Variants in CILK1 observed in about 807,000 individuals in gnomAD.
The protein encoded by CILK1 is serine/threonine-protein kinase ICK.
A neutral mutation model predicts 79.2 loss-of-function variants in CILK1; 47 were observed. That is an observed-to-expected ratio of 0.59 (90% confidence interval 0.47 to 0.76). The LOEUF is 0.76. Ranked by LOEUF, CILK1 falls within the 30% of genes least tolerant of loss-of-function variation. The pLI is 0.00. For missense variants in CILK1, 660 were observed against 769.5 expected, an observed-to-expected ratio of 0.86 and a Z score of 1.68; for synonymous variants, 266 against 275.9, an observed-to-expected ratio of 0.96 and a Z score of 0.36.
chr6:53,047,917 G>A (rs960480707), intron 1 of CILK1, among the ~76,000 whole-genome samples: 1 of 151,210 alleles, frequency 6.6e-6, no homozygotes, highest in South Asian at 2.1e-4. Flanking sequence ...TGAATTTGAG[G>A]TATGTACAAA....
At chr6:53,039,129 T>C (rs1454781243) in intron 2 of CILK1, among the ~76,000 whole-genome samples, 1 of 152,224 alleles carries the variant, frequency 6.6e-6, no homozygotes, top group Non-Finnish European at 1.5e-5. Flanking sequence ...CGAAATATTA[T>C]TTAGCCCCTG....
intron 1 of CILK1, among the ~76,000 whole-genome samples, chr6:53,050,670 A>G (rs1259874741): frequency 1.3e-5 from 2 of 151,616 alleles, no homozygotes; most frequent in Admixed American, 1.3e-4. Flanking sequence ...TACAAAATAC[A>G]AAAATTAGCT....
chr6:53,018,042 G>C (rs1236958236), intron 7 of CILK1, among the ~76,000 whole-genome samples: 2 of 152,168 alleles, frequency 1.3e-5, no homozygotes, highest in East Asian at 3.9e-4. Flanking sequence ...GGAGACTTCT[G>C]AACAGGCGTA....
chr6:53,011,123 T>C (rs1764543596), intron 11 of CILK1, among the ~76,000 whole-genome samples: 1 of 152,192 alleles, frequency 6.6e-6, no homozygotes, highest in African/African-American at 2.4e-5. Flanking sequence ...CCCATAGTAC[T>C]GCCAGGACAG....
Position 53,052,208 on chromosome 6 carries a change from C to G in CILK1, c.-173+9388G>C, listed in dbSNP as rs1160307910. ...GAGGATGATGGCTTCCAGCTTCATC[C>G]ATGTCCCTGCAAAGGACATGATCTC... On this transcript the variant is annotated intron_variant, in intron 1 of 13. Transcript: ENST00000676107. Among the ~76,000 whole-genome samples the G allele has an allele frequency of 2.0e-5, 3 of 152,128 alleles. No homozygotes were observed. In the East Asian group the frequency reaches 5.8e-4, roughly 29 times the overall value.
intron 3 of CILK1, 28 bp from the exon 4 acceptor site, chr6:53,032,682 A>G (rs1189696155): frequency 1.9e-6 from 3 of 1,566,442 alleles, no homozygotes; most frequent in East Asian, 2.3e-5. Context: ...AACACAAAAC[A>G]AAACAAATAT....
At chr6:53,033,883 T>C (rs938401317) in intron 3 of CILK1, among the ~76,000 whole-genome samples, 2 of 152,158 alleles carry the variant, frequency 1.3e-5, no homozygotes, top group Non-Finnish European at 2.9e-5. Flanking sequence ...TCTCTGGAGC[T>C]TCCTCCCCAG....
chr6:53,035,720 G>A (rs1766286587), intron 3 of CILK1, among the ~76,000 whole-genome samples: 1 of 152,158 alleles, frequency 6.6e-6, no homozygotes. Context: ...CTTTGCTGCT[G>A]GAATGAAGCA....
chr6:53,052,193 G>T (rs531854218), intron 1 of CILK1, among the ~76,000 whole-genome samples: 2 of 152,052 alleles, frequency 1.3e-5, no homozygotes, highest in African/African-American at 4.8e-5. Flanking sequence ...GAGGATGATG[G>T]CTTCCAGCTT....
At chr6:53,050,346 G>A (rs1018811879) in intron 1 of CILK1, among the ~76,000 whole-genome samples, 5 of 151,628 alleles carry the variant, frequency 3.3e-5, no homozygotes, top group African/African-American at 9.7e-5. Context: ...CGTTTCTACT[G>A]CTGGGTTCTT....
intron 3 of CILK1, among the ~76,000 whole-genome samples, chr6:53,035,700 C>T (rs956311215): frequency 2.0e-5 from 3 of 152,184 alleles, no homozygotes; most frequent in Non-Finnish European, 4.4e-5. Context: ...CAGGATTTCC[C>T]TTCAGTTCCC....
intron 4 of CILK1, among the ~76,000 whole-genome samples, 161 bp from the exon 5 acceptor site, chr6:53,031,305 C>CA (rs1053864880): frequency 6.6e-6 from 1 of 151,634 alleles, no homozygotes; most frequent in South Asian, 2.1e-4. Context: ...GATAGTAAGC[C>CA]AAAAAAAAGT....
At chr6:53,030,668 G>A (rs1348223080) in intron 5 of CILK1, among the ~76,000 whole-genome samples, 1 of 151,872 alleles carries the variant, frequency 6.6e-6, no homozygotes, top group Non-Finnish European at 1.5e-5. Flanking sequence ...TTTTAAACTC[G>A]CTTGAAACAA....
intron 1 of CILK1, among the ~76,000 whole-genome samples, chr6:53,051,585 T>C (rs2127465500): frequency 6.6e-6 from 1 of 152,322 alleles, no homozygotes; most frequent in South Asian, 2.1e-4. Flanking sequence ...TCTTCCTCTG[T>C]CTCTAGCTTA....
In CILK1 at chr6:53,004,272, T is replaced by C. The variant is rs1380257275; in HGVS notation, c.*877A>G. The stretch of plus-strand genomic sequence containing the variant: ...TCTGCTGCTTTGATACTTAGTTTTT[T>C]GGCCATGCATCTTGGCAGGAATGTA... On this transcript the variant is annotated 3_prime_UTR_variant, in exon 14 of 14. Coordinates refer to ENST00000676107, the MANE Select transcript of CILK1 (RefSeq NM_014920.5). The C allele has an allele frequency of 6.6e-6, 1 of 152,306 alleles. No homozygotes were observed. The highest frequency in any genetic ancestry group is 1.5e-5 in the Non-Finnish European group (1 of 68,040). 9.4% of individuals were successfully genotyped at this position (152,306 alleles called of 1,614,324 possible).
chr6:53,041,093 G>A (rs140470213), intron 2 of CILK1, 43 bp downstream of exon 2: 1 of 1,286,624 alleles, frequency 7.8e-7, no homozygotes, highest in South Asian at 1.2e-5. Flanking sequence ...GTAATGGTGA[G>A]GGTAGAGTTA....
intron 3 of CILK1, among the ~76,000 whole-genome samples, chr6:53,037,359 G>C (rs1483955907): frequency 6.7e-6 from 1 of 149,720 alleles, no homozygotes; most frequent in East Asian, 2.0e-4. Context: ...AGTAAAGATC[G>C]GTGCTCCACA....
At chr6:53,034,639 T>G (rs576851668) in intron 3 of CILK1, among the ~76,000 whole-genome samples, 48 of 152,250 alleles carry the variant, frequency 3.2e-4, no homozygotes, top group African/African-American at 1.1e-3. Flanking sequence ...AAAACAACAA[T>G]GTACTGGGCC....
intron 13 of CILK1, 36 bp downstream of exon 13, chr6:53,006,279 T>C: frequency 1.2e-6 from 2 of 1,603,744 alleles, no homozygotes. Flanking sequence ...AACCATTTGT[T>C]GAGTAAATTC....
Sources: allele counts gnomAD v4.1 joint callset (sites outside exome capture counted in the v4.1 genomes callset), GRCh38; gene constraint gnomAD v4.1.1; transcripts MANE v1.5; gene names NCBI Gene and HGNC (gene_info 2026-07-23, HGNC 2026-07-21).